MANBA: variants seen among roughly 807,000 people sequenced by gnomAD.
The protein encoded by MANBA is beta-mannosidase.
Under a neutral mutation model 111.1 loss-of-function variants are expected in MANBA, and 83 were observed. The ratio of observed to expected loss-of-function variants is 0.75; its 90% CI spans 0.63 to 0.90. The LOEUF (loss-of-function observed/expected upper bound fraction) is 0.90, where lower values mean the gene tolerates loss of function less well. MANBA is among the 40% of genes least tolerant of loss of function. The pLI, the probability that MANBA is intolerant of heterozygous loss-of-function variation, is 0.00. For synonymous variants in MANBA, 370 were observed against 378.7 expected (o/e 0.98, Z 0.27); for missense variants, 1,036 against 1,069.0 (o/e 0.97, Z 0.43).
intron 9 of MANBA, 177 bp downstream of exon 9, chr4:102,671,104 A>G: frequency 1.9e-6 from 1 of 539,520 alleles, no homozygotes; most frequent in Non-Finnish European, 3.3e-6. Flanking sequence ...AAAATAAATA[A>G]TTATGGTAGT....
In MANBA at chr4:102,723,639, T is replaced by G. The variant is rs180984789; in HGVS notation, c.378+223A>C. Reference sequence around the variant, plus strand: ...TATGTGCCAAGAACTTGCCAACATTTTATACAATTAGCTTACTAAATCCCC... The same window carrying G: ...TATGTGCCAAGAACTTGCCAACATTGTATACAATTAGCTTACTAAATCCCC... On this transcript the variant is annotated intron_variant, in intron 3 of 16. Transcript: ENST00000647097. 2.1e-4 allele frequency among the ~76,000 whole-genome samples: 32 copies of G among 152,320 alleles called. 1 individual carries two copies. Among genetic ancestry groups the G allele is most frequent in the Admixed American group, 2.1e-3 (32 of 15,300 alleles).
intron 1 of MANBA, among the ~76,000 whole-genome samples, chr4:102,750,080 A>T (rs1304865910): frequency 6.6e-6 from 1 of 152,204 alleles, no homozygotes; most frequent in Non-Finnish European, 1.5e-5. Context: ...CAACATTATT[A>T]ATTGATGACT....
rs776399557 is a variant in MANBA, at chr4:102,671,319, C to G, written c.1192G>C (p.Asp398His). ...TCATCACAGAGTTCATAGAATTCAT[C>G]CTGCTCATAAATTCCTCCTCCCCAA... Reference protein sequence around the residue: ...RVWGGGIYEQDEFYELCDELG... With the variant: ...RVWGGGIYEQHEFYELCDELG... The change falls in exon 9 of 17, where the codon GAT becomes CAT. Residue 398 changes from aspartate (D) to histidine (H), a missense_variant. Physicochemically the swap from Asp to His is moderately conservative, Grantham distance 81. Coordinates refer to ENST00000647097, the MANE Select transcript of MANBA (RefSeq NM_005908.4). The G allele has an allele frequency of 6.2e-7, 1 of 1,601,180 alleles. No individual in the cohort carries two copies. The highest frequency in any genetic ancestry group is 1.7e-4 in the Middle Eastern group (1 of 6,038).
chr4:102,703,011 T>C (rs1325539747), intron 5 of MANBA, among the ~76,000 whole-genome samples: 1 of 152,222 alleles, frequency 6.6e-6, no homozygotes, highest in Non-Finnish European at 1.5e-5. Context: ...CATATACATA[T>C]ATATAACAGA....
intron 5 of MANBA, among the ~76,000 whole-genome samples, chr4:102,713,630 A>C (rs933011814): frequency 1.3e-5 from 2 of 152,180 alleles, no homozygotes; most frequent in African/African-American, 2.4e-5. Flanking sequence ...GGCCAGGCGC[A>C]GTGGCTTACG....
chr4:102,649,538 C>T (rs182685289), intron 13 of MANBA, among the ~76,000 whole-genome samples: 13 of 152,176 alleles, frequency 8.5e-5, no homozygotes, highest in East Asian at 3.9e-4. Flanking sequence ...TATTTATTGA[C>T]GCTTTGGATA....
chr4:102,652,469 G>A lies in MANBA; in HGVS notation c.1705-1768C>T, dbSNP rs147946607. Among the ~76,000 whole-genome samples, 497 of 152,226 alleles carry A rather than the reference G, an allele frequency of 3.3e-3. 3 individuals carry two copies. The highest frequency in any genetic ancestry group is 0.011 in the African/African-American group (462 of 41,524). On this transcript the variant is annotated intron_variant, in intron 12 of 16. Coordinates refer to ENST00000647097, the MANE Select transcript of MANBA (RefSeq NM_005908.4). Reference sequence around the variant, plus strand: ...GGCTTTCTACCTTCTCATAACTATGGTGTGAAAATCTTTCAAATTTCAGCT... The same window carrying A: ...GGCTTTCTACCTTCTCATAACTATGATGTGAAAATCTTTCAAATTTCAGCT...
chr4:102,653,663 G>A (rs1439213973), intron 12 of MANBA, among the ~76,000 whole-genome samples: 1 of 152,130 alleles, frequency 6.6e-6, no homozygotes, highest in African/African-American at 2.4e-5. Flanking sequence ...GATTCATAAT[G>A]AGCAGCACTT....
At chr4:102,729,393 G>A (rs1229949136) in intron 1 of MANBA, 61 of 882,530 alleles carry the variant, frequency 6.9e-5, no homozygotes, top group South Asian at 6.5e-4. Flanking sequence ...TGACCTCAGC[G>A]ATGATGCTGT....
In MANBA at chr4:102,650,647, G is replaced by A. The variant is rs747117822; in HGVS notation, c.1759C>T (p.His587Tyr). ...FNSKFSLHRQ[H>Y]HEGGNKQMLY... Reference sequence around the variant, plus strand: ...ATTTGTTTGTTACCACCTTCGTGATGTTGTCGATGAAGTGAAAACTTGCTA... The same window carrying A: ...ATTTGTTTGTTACCACCTTCGTGATATTGTCGATGAAGTGAAAACTTGCTA... Residue 587 changes from histidine (H) to tyrosine (Y), a missense_variant, in exon 13 of 17, where the codon CAT (histidine) becomes TAT (tyrosine). Coordinates refer to ENST00000647097, the MANE Select transcript of MANBA (RefSeq NM_005908.4). 5 of 1,613,312 alleles carry A rather than the reference G, an allele frequency of 3.1e-6. No individual in the cohort carries two copies. Among genetic ancestry groups the A allele is most frequent in the Non-Finnish European group, 3.4e-6 (4 of 1,179,306 alleles).
chr4:102,714,163 C>T (rs1722221928), intron 5 of MANBA, among the ~76,000 whole-genome samples: 1 of 152,124 alleles, frequency 6.6e-6, no homozygotes, highest in Non-Finnish European at 1.5e-5. Context: ...AGAAAGAATA[C>T]TTATCTCAGG....
intron 7 of MANBA, among the ~76,000 whole-genome samples, chr4:102,675,040 A>G (rs1374699026): frequency 1.3e-5 from 2 of 152,248 alleles, no homozygotes; most frequent in African/African-American, 4.8e-5. Context: ...CTGGATAAGG[A>G]GGATCTTGAC....
intron 1 of MANBA, chr4:102,734,548 G>A (rs999007775): frequency 2.5e-6 from 4 of 1,608,192 alleles, no homozygotes; most frequent in Non-Finnish European, 2.6e-6. Context: ...GAGGTGACGA[G>A]GAAGCCCAAG....
chr4:102,749,236 T>A (rs1723698601), intron 1 of MANBA, among the ~76,000 whole-genome samples: 1 of 152,180 alleles, frequency 6.6e-6, no homozygotes, highest in Non-Finnish European at 1.5e-5. Flanking sequence ...TATTTGGATA[T>A]ATGGAGTTTC....
chr4:102,683,426 A>G (rs72940782), intron 7 of MANBA, among the ~76,000 whole-genome samples: 6,651 of 152,294 alleles, frequency 0.044, 476 homozygotes, highest in African/African-American at 0.15. Context: ...AGAATACTTG[A>G]GAAATTCTTA....
At chr4:102,665,140 G>C (rs1300066964) in intron 10 of MANBA, 4 of 341,668 alleles carry the variant, frequency 1.2e-5, no homozygotes, top group Non-Finnish European at 2.2e-5. Context: ...AAAGAAAAGG[G>C]GAATGAATAA....
chr4:102,722,188 A>G (rs1305142739), intron 4 of MANBA, among the ~76,000 whole-genome samples: 2 of 152,152 alleles, frequency 1.3e-5, no homozygotes, highest in Non-Finnish European at 2.9e-5. Flanking sequence ...AAGGTGAGAA[A>G]GCTCTGTGGT....
chr4:102,660,288 C>T (rs577321270), intron 11 of MANBA, among the ~76,000 whole-genome samples: 162 of 152,100 alleles, frequency 1.1e-3, no homozygotes, highest in Non-Finnish European at 1.4e-3. Context: ...TTTCCATCAC[C>T]GAATTTCCAA....
At chr4:102,723,750 T>G (rs1344930455) in intron 3 of MANBA, 112 bp downstream of exon 3, 5 of 666,664 alleles carry the variant, frequency 7.5e-6, no homozygotes, top group African/African-American at 1.8e-5. Context: ...AGTGCTTTAA[T>G]GAGCTCATAT....
Sources: allele counts gnomAD v4.1 joint callset (sites outside exome capture counted in the v4.1 genomes callset), GRCh38; gene constraint gnomAD v4.1.1; transcripts MANE v1.5; gene names NCBI Gene and HGNC (gene_info 2026-07-23, HGNC 2026-07-21).